The following GLRX3 variants were observed in gnomAD, a reference collection of about 807,000 sequenced individuals.
The protein encoded by GLRX3 is glutaredoxin-3.
Under a neutral mutation model 49.5 loss-of-function variants are expected in GLRX3, and 22 were observed. The observed-to-expected ratio is 0.44, with a 90% CI of 0.32 to 0.63. The LOEUF (loss-of-function observed/expected upper bound fraction) is 0.63. Ranked by LOEUF, GLRX3 falls within the 30% of genes least tolerant of loss-of-function variation. The probability of loss-of-function intolerance (pLI) is 0.05; values close to 1 mark genes in which losing one functional copy is unlikely to be tolerated. For missense variants in GLRX3, 385 were observed against 396.3 expected (o/e 0.97, Z 0.24); for synonymous variants, 133 against 140.0 (o/e 0.95, Z 0.35).
intron 7 of GLRX3, among the ~76,000 whole-genome samples, chr10:130,171,279 T>C (rs1343730074): frequency 6.6e-6 from 1 of 152,208 alleles, no homozygotes; most frequent in Non-Finnish European, 1.5e-5. Context: ...CTCAAATCTC[T>C]GTAGAAAATC....
At chr10:130,173,113 C>T (rs1023280527) in intron 8 of GLRX3, among the ~76,000 whole-genome samples, 2 of 152,078 alleles carry the variant, frequency 1.3e-5, no homozygotes, top group African/African-American at 2.4e-5. Context: ...CTTTCTTTGT[C>T]GACCCTCTGC....
chr10:130,168,677 G>C (rs1243759740), intron 6 of GLRX3, among the ~76,000 whole-genome samples: 2 of 152,156 alleles, frequency 1.3e-5, no homozygotes, highest in African/African-American at 4.8e-5. Context: ...TTGATCTCCT[G>C]ACCTCGTGAT....
intron 4 of GLRX3, among the ~76,000 whole-genome samples, chr10:130,165,981 A>G (rs1862676965): frequency 6.6e-6 from 1 of 152,162 alleles, no homozygotes; most frequent in African/African-American, 2.4e-5. Context: ...AGCAGGTGTC[A>G]GATTCAGATT....
At chr10:130,180,056 A>T (rs1429748508), downstream of GLRX3, 1 of 152,044 alleles carries the variant, frequency 6.6e-6, no homozygotes, top group African/African-American at 2.4e-5. Context: ...GTCATGACAA[A>T]GAATGGAAAA....
At chr10:130,171,665 A>G (rs1421472901) in intron 8 of GLRX3, 29 bp downstream of exon 8, 2 of 1,215,008 alleles carry the variant, frequency 1.6e-6, no homozygotes, top group African/African-American at 3.0e-5. Flanking sequence ...CAAATGGTGT[A>G]TTAAAAAAAT....
chr10:130,169,895 G>A (rs1862772064), intron 7 of GLRX3, among the ~76,000 whole-genome samples: 1 of 152,256 alleles, frequency 6.6e-6, no homozygotes, highest in Admixed American at 6.5e-5. Context: ...TTTTGTGACA[G>A]TGGAGGAGCA....
At chr10:130,144,582 G>A (rs1862237270) in intron 1 of GLRX3, among the ~76,000 whole-genome samples, 2 of 151,934 alleles carry the variant, frequency 1.3e-5, no homozygotes, top group African/African-American at 4.8e-5. Context: ...TCCTGTGTTA[G>A]TTTACTGAGA....
rs1229588662 is a variant in GLRX3 at position 130,136,431 on chromosome 10, G to GGGCGGCTGA, written c.15_23dup (p.Glu7_Ala9dup). On this transcript the variant is annotated inframe_insertion, in exon 1 of 11. Transcript: ENST00000331244. ...TCTGGCGGCGGCAGCATGGCGGCGG[G>GGGCGGCTGA]GGCGGCTGAGGCAGCTGTAGCGGCC... 1.3e-5 allele frequency: 16 copies of GGGCGGCTGA among 1,255,504 alleles called. No individual in the cohort carries two copies. Among genetic ancestry groups the GGGCGGCTGA allele is most frequent in the Admixed American group, 4.1e-5 (1 of 24,268 alleles). 77.8% of individuals were successfully genotyped at this position (1,255,504 alleles called of 1,614,324 possible). A position where few individuals can be genotyped will look rare whatever the true frequency, so the allele number is the denominator to read the frequency against.
chr10:130,157,306 G>T (rs1295529181), intron 2 of GLRX3, among the ~76,000 whole-genome samples: 1 of 141,790 alleles, frequency 7.1e-6, no homozygotes, highest in Non-Finnish European at 1.5e-5. Flanking sequence ...CCAAAGACAG[G>T]AGAAGATGGA....
chr10:130,180,344 A>C (rs909132529), downstream of GLRX3: 1 of 152,182 alleles, frequency 6.6e-6, no homozygotes, highest in Admixed American at 6.5e-5. Context: ...CACTTGGTCC[A>C]CTTACTTATA....
chr10:130,172,953 T>G (rs931872483), intron 8 of GLRX3, among the ~76,000 whole-genome samples: 1 of 152,136 alleles, frequency 6.6e-6, no homozygotes, highest in African/African-American at 2.4e-5. Flanking sequence ...AAAAAAGATG[T>G]GGTTGTCGTC....
intron 7 of GLRX3, among the ~76,000 whole-genome samples, chr10:130,170,039 C>G (rs1862774334): frequency 6.6e-6 from 1 of 152,148 alleles, no homozygotes; most frequent in African/African-American, 2.4e-5. Context: ...TTTTGAATAT[C>G]AAGTTTGATA....
intron 3 of GLRX3, among the ~76,000 whole-genome samples, chr10:130,160,355 C>G (rs555353465): frequency 6.6e-6 from 1 of 151,626 alleles, no homozygotes; most frequent in African/African-American, 2.4e-5. Context: ...CCCCAGTGTT[C>G]CCTGAGTTGG....
intron 4 of GLRX3, among the ~76,000 whole-genome samples, chr10:130,163,175 A>G (rs926991109): frequency 6.6e-6 from 1 of 152,216 alleles, no homozygotes; most frequent in South Asian, 2.1e-4. Context: ...CTGTAATCCC[A>G]GCACATTGGG....
intron 10 of GLRX3, among the ~76,000 whole-genome samples, chr10:130,177,180 G>A (rs1862939614): frequency 6.6e-6 from 1 of 152,146 alleles, no homozygotes; most frequent in Non-Finnish European, 1.5e-5. Flanking sequence ...AATCTGGCTG[G>A]CCTCTTTGGA....
intron 1 of GLRX3, among the ~76,000 whole-genome samples, chr10:130,139,835 G>A (rs1385234398): frequency 1.3e-5 from 2 of 152,072 alleles, no homozygotes; most frequent in Admixed American, 1.3e-4. Flanking sequence ...AGGCTGAGGT[G>A]GGAGGATTGT....
intron 1 of GLRX3, 77 bp downstream of exon 1, chr10:130,136,589 G>A (rs954625512): frequency 1.9e-5 from 24 of 1,236,064 alleles, no homozygotes; most frequent in Non-Finnish European, 2.1e-5. Flanking sequence ...GTGGGGCGGC[G>A]GGTGGCCCAG....
intron 1 of GLRX3, 30 bp downstream of exon 1, chr10:130,136,542 G>C: frequency 8.0e-7 from 1 of 1,254,170 alleles, no homozygotes; most frequent in Non-Finnish European, 1.0e-6. Context: ...GTAGGAGTGA[G>C]GAGCCGGAGC....
At position 130,160,975 on chromosome 10, in the gene GLRX3, A is replaced by C; in HGVS notation, c.456A>C (p.Gly152=). The change falls in exon 4 of 11, where the codon GGA becomes GGC. Residue 152 remains glycine, a synonymous_variant. Coordinates refer to ENST00000331244, the MANE Select transcript of GLRX3 (RefSeq NM_006541.5). The part of the protein sequence containing the change: ...HAAPCMLFMK[G]TPQEPRCGFS... The stretch of plus-strand genomic sequence containing the variant: ...CCCCCTGCATGCTGTTTATGAAAGG[A>C]ACTCCTCAAGAACCACGCTGTGGTA... 6.2e-7 allele frequency: 1 copy of C among 1,613,144 alleles called. No homozygotes were observed. Among genetic ancestry groups the C allele is most frequent in the South Asian group, 1.1e-5 (1 of 91,030 alleles).
Sources: allele counts gnomAD v4.1 joint callset (sites outside exome capture counted in the v4.1 genomes callset), GRCh38; gene constraint gnomAD v4.1.1; transcripts MANE v1.5; gene names NCBI Gene and HGNC (gene_info 2026-07-23, HGNC 2026-07-21).